The following SIDT1 variants were observed in gnomAD, a reference collection of about 807,000 sequenced individuals.
SIDT1 encodes the protein SID1 transmembrane family member 1, also known as SID1 transmembrane family, member 1.
Under a neutral mutation model 107.5 loss-of-function variants are expected in SIDT1, and 101 were observed. The observed-to-expected ratio is 0.94, with a 90% CI of 0.80 to 1.11. The LOEUF is 1.11. SIDT1 is among the 50% of genes least tolerant of loss of function. The pLI is 0.00. For missense variants in SIDT1, 1,076 were observed against 1,058.2 expected (o/e 1.02, Z -0.23); for synonymous variants, 395 against 398.2 (o/e 0.99, Z 0.10).
intron 3 of SIDT1, among the ~76,000 whole-genome samples, chr3:113,570,877 G>T (rs1942383775): frequency 6.6e-6 from 1 of 152,142 alleles, no homozygotes; most frequent in African/African-American, 2.4e-5. Context: ...AGAACTGAAG[G>T]ATCTTTGGGA....
rs1436142832 is a variant in SIDT1, at chr3:113,532,835, G to A, written c.-187G>A. On this transcript the variant is annotated 5_prime_UTR_variant, in exon 1 of 25. Coordinates refer to ENST00000264852, the MANE Select transcript of SIDT1 (RefSeq NM_017699.3). ...TGACCTCCAGTGGAGACCCCAGGCG[G>A]CAGCATCAGTATTTGATCGGCCCTT... 3 of 412,962 alleles carry A rather than the reference G, an allele frequency of 7.3e-6. No homozygotes were observed. The highest frequency in any genetic ancestry group is 1.3e-5 in the Non-Finnish European group (3 of 237,388). 25.6% of individuals were successfully genotyped at this position (412,962 alleles called of 1,614,324 possible). A position where few individuals can be genotyped will look rare whatever the true frequency, so the allele number is the denominator to read the frequency against.
At chr3:113,542,427 T>G (rs1939020026) in intron 1 of SIDT1, among the ~76,000 whole-genome samples, 1 of 152,194 alleles carries the variant, frequency 6.6e-6, no homozygotes, top group Admixed American at 6.5e-5. Context: ...ACTTTATATC[T>G]TTTTAAATAT....
At chr3:113,562,216 C>T (rs1334232363) in intron 1 of SIDT1, among the ~76,000 whole-genome samples, 1 of 152,076 alleles carries the variant, frequency 6.6e-6, no homozygotes, top group Non-Finnish European at 1.5e-5. Context: ...CAAGTGTTGG[C>T]AAGGATGTAG....
chr3:113,623,239 G>C (rs1286072661), intron 21 of SIDT1, among the ~76,000 whole-genome samples, 188 bp from the exon 22 acceptor site: 1 of 117,524 alleles, frequency 8.5e-6, no homozygotes, highest in African/African-American at 3.2e-5. Context: ...ATATGTTAAA[G>C]TATTTTTTTA....
chr3:113,548,167 A>G (rs1012862014), intron 1 of SIDT1, among the ~76,000 whole-genome samples: 16 of 151,928 alleles, frequency 1.1e-4, no homozygotes, highest in Non-Finnish European at 1.9e-4. Context: ...ACCCCCATAA[A>G]ATTTCCCTCA....
At chr3:113,605,387 A>G (rs867789005) in intron 14 of SIDT1, among the ~76,000 whole-genome samples, 4 of 151,996 alleles carry the variant, frequency 2.6e-5, no homozygotes, top group Non-Finnish European at 5.9e-5. Flanking sequence ...CAGCCTCCCA[A>G]AGTACTGGGA....
intron 4 of SIDT1, among the ~76,000 whole-genome samples, chr3:113,578,187 C>T (rs1292796213): frequency 6.6e-6 from 1 of 152,164 alleles, no homozygotes; most frequent in Non-Finnish European, 1.5e-5. Flanking sequence ...GGGAATAGGC[C>T]GGGCGCGATG....
At chr3:113,602,409 C>T (rs1945023522) in intron 11 of SIDT1, 1 of 152,180 alleles carries the variant, frequency 6.6e-6, no homozygotes, top group African/African-American at 2.4e-5. Context: ...ACCATCTGAA[C>T]AGAAGAAATA....
intron 7 of SIDT1, among the ~76,000 whole-genome samples, 153 bp downstream of exon 7, chr3:113,583,649 A>C (rs1406247163): frequency 1.1e-4 from 17 of 152,230 alleles, no homozygotes; most frequent in Admixed American, 1.1e-3. Flanking sequence ...GAGAAAAAAA[A>C]CGAAAGATAG....
chr3:113,555,610 A>C (rs1283487245), intron 1 of SIDT1, among the ~76,000 whole-genome samples: 1 of 152,162 alleles, frequency 6.6e-6, no homozygotes, highest in African/African-American at 2.4e-5. Flanking sequence ...GGCTTATATG[A>C]TTATATTTAT....
At chr3:113,558,062 G>A (rs550194511) in intron 1 of SIDT1, among the ~76,000 whole-genome samples, 35 of 152,238 alleles carry the variant, frequency 2.3e-4, no homozygotes, top group Non-Finnish European at 1.0e-4. Context: ...AGAGAGAGAG[G>A]GGGATCTGAT....
rs184965296 is a variant in SIDT1 at position 113,575,551 on chromosome 3, A to G, written c.516-1371A>G. Among the ~76,000 whole-genome samples, 24 of 152,374 alleles carry G rather than the reference A, an allele frequency of 1.6e-4. No homozygotes were observed. In the Middle Eastern group the frequency reaches 0.024, roughly 151 times the overall value. ...GGACAGAAGTTTTCAGTTCTGCTTC[A>G]GAAGAACCAATCCTCAACATTGATT... is the stretch of plus-strand genomic sequence containing the variant. On this transcript the variant is annotated intron_variant, in intron 3 of 24. Coordinates refer to ENST00000264852, the MANE Select transcript of SIDT1 (RefSeq NM_017699.3).
chr3:113,595,578 CAAA>C, intron 10 of SIDT1, among the ~76,000 whole-genome samples: 1 of 130,050 alleles, frequency 7.7e-6, no homozygotes. Flanking sequence ...GACCGTGTCT[CAAA>C]AAAAAAAAAA....
intron 1 of SIDT1, among the ~76,000 whole-genome samples, chr3:113,562,599 A>C (rs944225293): frequency 6.6e-6 from 1 of 152,244 alleles, no homozygotes; most frequent in African/African-American, 2.4e-5. Context: ...CATTATGCTA[A>C]GGAAATAAGC....
Position 113,548,560 on chromosome 3 carries a change from A to C in SIDT1, c.222+15317A>C, listed in dbSNP as rs59911272. Among the ~76,000 whole-genome samples, 489 of 152,248 alleles carry C rather than the reference A, an allele frequency of 3.2e-3. 1 individual carries two copies. Among genetic ancestry groups the C allele is most frequent in the African/African-American group, 0.011 (459 of 41,568 alleles). On this transcript the variant is annotated intron_variant, in intron 1 of 24. Coordinates refer to ENST00000264852, the MANE Select transcript of SIDT1 (RefSeq NM_017699.3). ...ATTTTGAGTTAAAACTACTTGAAAA[A>C]CAACAGATGCAAGAAGGTCACTCTG...
chr3:113,568,017 C>A (rs1359772057), intron 3 of SIDT1: 5 of 253,284 alleles, frequency 2.0e-5, no homozygotes, highest in Non-Finnish European at 3.7e-5. Flanking sequence ...TTTGTATTCC[C>A]AACCAGTGCC....
chr3:113,598,058 G>A (rs1464265310), intron 10 of SIDT1, among the ~76,000 whole-genome samples: 1 of 152,216 alleles, frequency 6.6e-6, no homozygotes, highest in African/African-American at 2.4e-5. Flanking sequence ...GCATATAAAA[G>A]TCCACAGAAT....
In SIDT1 at chr3:113,602,992, GTC is replaced by G. The variant is rs781089252; in HGVS notation, c.1118-9_1118-8del. On this transcript the variant is annotated splice_polypyrimidine_tract_variant and intron_variant, in intron 11 of 24. Coordinates refer to ENST00000264852, the MANE Select transcript of SIDT1 (RefSeq NM_017699.3). ...CACGGCTTTTGATGGCAGATGAGTT[GTC>G]TCTGTTTCAGATGAGTCAAGCTCCA... 5.6e-6 allele frequency: 9 copies of G among 1,613,086 alleles called. No individual in the cohort carries two copies. The highest frequency in any genetic ancestry group is 5.9e-6 in the Non-Finnish European group (7 of 1,179,440).
intron 1 of SIDT1, among the ~76,000 whole-genome samples, chr3:113,565,743 G>A (rs1055677126): frequency 2.0e-5 from 3 of 152,212 alleles, no homozygotes; most frequent in Non-Finnish European, 2.9e-5. Flanking sequence ...AGATTACTCA[G>A]CCCTGTGATG....
Sources: allele counts gnomAD v4.1 joint callset (sites outside exome capture counted in the v4.1 genomes callset), GRCh38; gene constraint gnomAD v4.1.1; transcripts MANE v1.5; gene names NCBI Gene and HGNC (gene_info 2026-07-23, HGNC 2026-07-21).